The following RPA3 variants were observed in gnomAD, a reference collection of about 807,000 sequenced individuals.
The protein encoded by RPA3 is replication protein A 14 kDa subunit.
RPA3 carries 24 observed loss-of-function variants against 13.7 expected under a neutral mutation model. That is an observed-to-expected ratio of 1.75 (90% CI 1.27 to 2.46). The LOEUF (loss-of-function observed/expected upper bound fraction) is 2.46. RPA3 is among the 30% of genes most tolerant of loss of function. The pLI is 0.00. For synonymous variants in RPA3, 59 were observed against 51.2 expected (o/e 1.15, Z -0.65); for missense variants, 183 against 151.0 (o/e 1.21, Z -1.11).
At chr7:7,639,217 C>T in intron 5 of RPA3, 73 bp from the exon 6 acceptor site, 1 of 1,091,038 alleles carries the variant, frequency 9.2e-7, no homozygotes, top group Non-Finnish European at 1.4e-6. Flanking sequence ...GTACATTGAT[C>T]CTTAGTTGAG....
chr7:7,677,830 C>T (rs976594530), intron 4 of RPA3, among the ~76,000 whole-genome samples: 11 of 151,102 alleles, frequency 7.3e-5, no homozygotes, highest in East Asian at 1.9e-4. Flanking sequence ...CCCGCCACTA[C>T]GCCCGGCTAA....
In RPA3 at chr7:7,686,804, C is replaced by T. The variant is rs538741095; in HGVS notation, c.-927+424G>A. 1.3e-4 allele frequency among the ~76,000 whole-genome samples: 20 copies of T among 152,278 alleles called. No homozygotes were observed. In the South Asian group the frequency reaches 3.7e-3, roughly 28 times the overall value. On this transcript the variant is annotated intron_variant, in intron 3 of 7. Transcript: ENST00000223129. ...GTGAAGATTATGATGAAGTTTCTGG[C>T]CAATGGGATATAAGAAGAAATGTTG...
At chr7:7,642,253 G>T (rs1046449542) in intron 4 of RPA3, among the ~76,000 whole-genome samples, 8 of 137,140 alleles carry the variant, frequency 5.8e-5, no homozygotes, top group African/African-American at 2.6e-4. Context: ...TCTCACCTCA[G>T]CCTGCCAAGT....
rs1648787905 is a variant in RPA3 at position 7,640,627 on chromosome 7, TG to T, written c.-210del. The T allele has an allele frequency of 1.8e-6, 1 of 569,316 alleles. No homozygotes were observed. The highest frequency in any genetic ancestry group is 2.1e-5 in the South Asian group (1 of 46,682). 35.3% of individuals were successfully genotyped at this position (569,316 alleles called of 1,614,324 possible). A position where few individuals can be genotyped will look rare whatever the true frequency, so the allele number is the denominator to read the frequency against. ...GCTGGATGAGTCCGGAAGTGGAGAT[TG>T]GCTGCTTAGTGACGCGCGGCGTCCC... On this transcript the variant is annotated 5_prime_UTR_variant, in exon 5 of 8. Coordinates refer to ENST00000223129, the MANE Select transcript of RPA3 (RefSeq NM_002947.5).
At chr7:7,671,636 C>A (rs1408210415) in intron 4 of RPA3, among the ~76,000 whole-genome samples, 1 of 152,150 alleles carries the variant, frequency 6.6e-6, no homozygotes. Context: ...TTTCTGACCT[C>A]ATTTTTTCCT....
chr7:7,708,819 G>A (rs1780675402), intron 2 of RPA3, among the ~76,000 whole-genome samples: 1 of 152,122 alleles, frequency 6.6e-6, no homozygotes, highest in Non-Finnish European at 1.5e-5. Flanking sequence ...GGTTTAAAGG[G>A]AAGTTATAAC....
intron 2 of RPA3, among the ~76,000 whole-genome samples, chr7:7,699,988 T>C (rs1321169865): frequency 2.0e-5 from 3 of 152,246 alleles, no homozygotes; most frequent in East Asian, 3.8e-4. Context: ...TCTCATGAAG[T>C]AAGTGTGGTG....
At chr7:7,671,603 A>G (rs1009695557) in intron 4 of RPA3, among the ~76,000 whole-genome samples, 2 of 152,138 alleles carry the variant, frequency 1.3e-5, no homozygotes, top group African/African-American at 4.8e-5. Flanking sequence ...ATTGTCTTAC[A>G]TTTCTGCTTG....
intron 4 of RPA3, among the ~76,000 whole-genome samples, chr7:7,660,373 G>A (rs966402199): frequency 6.6e-6 from 1 of 152,180 alleles, no homozygotes; most frequent in Admixed American, 6.5e-5. Flanking sequence ...TTTCCAGTTA[G>A]TTGATGCAGT....
At chr7:7,667,109 G>A (rs1262627042) in intron 4 of RPA3, among the ~76,000 whole-genome samples, 1 of 152,174 alleles carries the variant, frequency 6.6e-6, no homozygotes, top group Non-Finnish European at 1.5e-5. Context: ...GCGCCCGGCT[G>A]ACAGGTGAAT....
intron 2 of RPA3, among the ~76,000 whole-genome samples, chr7:7,693,933 C>G (rs1780241441): frequency 6.6e-6 from 1 of 152,008 alleles, no homozygotes; most frequent in Non-Finnish European, 1.5e-5. Context: ...AAAAGAAGAG[C>G]TTTCCCTCTG....
chr7:7,685,801 A>C (rs1182033703), intron 4 of RPA3, 29 bp downstream of exon 4: 2 of 152,210 alleles, frequency 1.3e-5, no homozygotes, highest in Non-Finnish European at 2.9e-5. Context: ...TTCTTCCTTC[A>C]TTATATCATG....
chr7:7,638,813 T>G (rs546098508), intron 6 of RPA3: 5 of 338,898 alleles, frequency 1.5e-5, no homozygotes, highest in Non-Finnish European at 2.6e-5. Context: ...TTTATGGTCT[T>G]TCATAAGGAA....
intron 4 of RPA3, among the ~76,000 whole-genome samples, chr7:7,671,197 A>G (rs1332843088): frequency 6.6e-6 from 1 of 152,226 alleles, no homozygotes; most frequent in African/African-American, 2.4e-5. Context: ...ACTTAACTTT[A>G]GTCAGCTTCG....
At position 7,640,396 on chromosome 7, in the gene RPA3, G is replaced by A. The variant is rs1354913038; in HGVS notation, c.23C>T (p.Pro8Leu). The change falls in exon 5 of 8, where the codon CCC becomes CTC. Residue 8 changes from proline to leucine, a missense_variant. By Grantham distance (98) the Pro-to-Leu change is moderately conservative (BLOSUM62 -3). Coordinates refer to ENST00000223129, the MANE Select transcript of RPA3 (RefSeq NM_002947.5). MVDMMDL[P>L]RSRINAGMLA... The stretch of plus-strand genomic sequence containing the variant: ...CATGCCGGCGTTGATGCGCGACCTG[G>A]GCAAGTCCATCATGTCCACCATGAT... The A allele has an allele frequency of 1.2e-6, 2 of 1,614,018 alleles. No individual in the cohort carries two copies. Among genetic ancestry groups the A allele is most frequent in the Non-Finnish European group, 1.7e-6 (2 of 1,180,024 alleles).
At chr7:7,696,040 CTG>C (rs1391694049) in intron 2 of RPA3, among the ~76,000 whole-genome samples, 1 of 139,310 alleles carries the variant, frequency 7.2e-6, no homozygotes, top group Non-Finnish European at 1.5e-5. Context: ...GATGGAGTCT[CTG>C]TTGCCCAGGC....
chr7:7,646,088 G>C (rs746211855), intron 4 of RPA3, among the ~76,000 whole-genome samples: 12 of 152,184 alleles, frequency 7.9e-5, no homozygotes, highest in Non-Finnish European at 1.6e-4. Context: ...GGGCGTTACA[G>C]TGCTCTTTTA....
At position 7,698,085 on chromosome 7, in the gene RPA3, C is replaced by T. The variant is rs558190768; in HGVS notation, c.-1027-10757G>A. On this transcript the variant is annotated intron_variant, in intron 2 of 7. Coordinates refer to ENST00000223129, the MANE Select transcript of RPA3 (RefSeq NM_002947.5). ...ACGTTCTGGCTAGACAATATGTTAT[C>T]TGAATCAAATACTTACTAAATGCCC... 2.6e-5 allele frequency among the ~76,000 whole-genome samples: 4 copies of T among 152,258 alleles called. No individual in the cohort carries two copies. In the East Asian group the frequency reaches 7.7e-4, roughly 29 times the overall value.
chr7:7,687,237 C>T lies in RPA3; in HGVS notation c.-936G>A, dbSNP rs1286223984. The T allele has an allele frequency of 6.6e-6, 1 of 152,166 alleles. No homozygotes were observed. Among genetic ancestry groups the T allele is most frequent in the Non-Finnish European group, 1.5e-5 (1 of 68,030 alleles). 9.4% of individuals were successfully genotyped at this position (152,166 alleles called of 1,614,324 possible). ...TGAGCAGGCTACTTACCATTTCAGC[C>T]TCATTTTCCTTTTGTGTGAAATGTT... On this transcript the variant is annotated 5_prime_UTR_variant, in exon 3 of 8. Transcript: ENST00000223129.
Sources: gnomAD v4.1 joint callset for allele counts (sites outside exome capture counted in the v4.1 genomes callset) on GRCh38, gnomAD v4.1.1 for gene constraint, MANE v1.5 for transcripts, NCBI Gene and HGNC (gene_info 2026-07-23, HGNC 2026-07-21) for gene names.